The following CCDC146 variants were observed in gnomAD, a reference collection of about 807,000 sequenced individuals.
The protein encoded by CCDC146 is coiled-coil domain containing 146.
A neutral mutation model predicts 119.3 loss-of-function variants in CCDC146; 92 were observed. The observed-to-expected ratio is 0.77, with a 90% CI of 0.65 to 0.92. The LOEUF (loss-of-function observed/expected upper bound fraction) is 0.92, where lower values mean the gene tolerates loss of function less well. Among genes scored for constraint, CCDC146 ranks in the 40% least tolerant of loss-of-function variants. The pLI is 0.00. For missense variants in CCDC146, 1,000 were observed against 1,103.0 expected (o/e 0.91, Z 1.32); for synonymous variants, 372 against 371.8 (o/e 1.00, Z -0.01).
chr7:77,167,182 G>A lies in CCDC146; in HGVS notation c.-11-476G>A, dbSNP rs1333987490. On this transcript the variant is annotated intron_variant, in intron 1 of 18. Coordinates refer to ENST00000285871, the MANE Select transcript of CCDC146 (RefSeq NM_020879.3). The stretch of plus-strand genomic sequence containing the variant: ...GTTTCTGTTCTAAGAAGTCCAATAA[G>A]GTAGACAATATGAAAAATAGTAAAT... 9.2e-5 allele frequency among the ~76,000 whole-genome samples: 14 copies of A among 152,136 alleles called. No individual in the cohort carries two copies. In the East Asian group the frequency reaches 2.5e-3, roughly 27 times the overall value.
Position 77,280,642 on chromosome 7 carries a change from T to C in CCDC146, c.1908T>C (p.His636=). ...AAAGATACGAAAAAGCTGTTCAGCATCGAAATGAAAGGTAAAAACCAGGTG... is the reference window on the plus strand; with the variant it reads ...AAAGATACGAAAAAGCTGTTCAGCACCGAAATGAAAGGTAAAAACCAGGTG... The part of the protein sequence containing the change: ...LRKRYEKAVQ[H]RNESGVQLIE... Residue 636 remains histidine, a synonymous_variant, in exon 14 of 19, where the codon CAT becomes CAC. Coordinates refer to ENST00000285871, the MANE Select transcript of CCDC146 (RefSeq NM_020879.3). 1.2e-6 allele frequency: 2 copies of C among 1,610,478 alleles called. No homozygotes were observed. The highest frequency in any genetic ancestry group is 1.7e-6 in the Non-Finnish European group (2 of 1,178,280).
In CCDC146 at chr7:77,274,533, G is replaced by A; in HGVS notation, c.1321G>A (p.Glu441Lys). Residue 441 changes from glutamate to lysine, a missense_variant, in exon 11 of 19, where the codon GAA becomes AAA. By Grantham distance (56) the Glu-to-Lys change is moderately conservative. Coordinates refer to ENST00000285871, the MANE Select transcript of CCDC146 (RefSeq NM_020879.3). Reference protein sequence around the residue: ...SKLVEQQLAEENKLLKEQENM... With the variant: ...SKLVEQQLAEKNKLLKEQENM... ...GTTAGTAGAACAACAACTTGCAGAA[G>A]AAAACAAGCTTTTAAAGGAGCAAGA... The A allele has an allele frequency of 1.9e-6, 3 of 1,609,562 alleles. No homozygotes were observed. The highest frequency in any genetic ancestry group is 2.5e-6 in the Non-Finnish European group (3 of 1,177,782).
intron 5 of CCDC146, 35 bp downstream of exon 5, chr7:77,254,598 A>G: frequency 8.8e-7 from 1 of 1,141,708 alleles, no homozygotes; most frequent in Non-Finnish European, 1.3e-6. Context: ...TCTTAAATAC[A>G]GCTGGATTCA....
rs768640282 is a variant in CCDC146 at position 77,196,993 on chromosome 7, G to A, written c.156+29169G>A. ...TATATATTAGATGTTGAACTGAAGG[G>A]GAAATAAAAGGAAGGCATTGGATCT... On this transcript the variant is annotated intron_variant, in intron 2 of 18. Transcript: ENST00000285871. This position sits in a 1 kb window ranked among gnomAD's most constrained non-coding sequence, Gnocchi z 4.2. The A allele has an allele frequency of 1.3e-6, 2 of 1,502,428 alleles. No individual in the cohort carries two copies. The highest frequency in any genetic ancestry group is 1.7e-4 in the Middle Eastern group (1 of 5,792). 93.1% of individuals were successfully genotyped at this position (1,502,428 alleles called of 1,614,324 possible). A position where few individuals can be genotyped will look rare whatever the true frequency, so the allele number is the denominator to read the frequency against.
intron 2 of CCDC146, among the ~76,000 whole-genome samples, chr7:77,211,615 T>A (rs917577781): frequency 4.6e-5 from 7 of 151,884 alleles, no homozygotes; most frequent in African/African-American, 1.7e-4. Context: ...TTATTTTTAT[T>A]TATTTATTTA....
chr7:77,186,560 G>T (rs1205147442), intron 2 of CCDC146, among the ~76,000 whole-genome samples: 1 of 151,992 alleles, frequency 6.6e-6, no homozygotes, highest in African/African-American at 2.4e-5. Flanking sequence ...TAATGAACGA[G>T]ACCTACAATG....
intron 18 of CCDC146, among the ~76,000 whole-genome samples, chr7:77,294,143 G>T (rs2150561742): frequency 6.6e-6 from 1 of 152,206 alleles, no homozygotes; most frequent in Non-Finnish European, 1.5e-5. Flanking sequence ...TCCTCCTCTG[G>T]TTCCACTTTA....
At chr7:77,163,592 G>A (rs1263918085) in intron 1 of CCDC146, among the ~76,000 whole-genome samples, 1 of 152,150 alleles carries the variant, frequency 6.6e-6, no homozygotes, top group African/African-American at 2.4e-5. Context: ...TCTATGCAAA[G>A]GAGTGCTATG....
intron 2 of CCDC146, among the ~76,000 whole-genome samples, chr7:77,172,021 T>A (rs935767460): frequency 6.6e-6 from 1 of 152,230 alleles, no homozygotes; most frequent in Admixed American, 6.5e-5. Flanking sequence ...TCCAAGAGCT[T>A]TCAATAATCG....
At chr7:77,258,329 C>T (rs542102917) in intron 6 of CCDC146, among the ~76,000 whole-genome samples, 1 of 152,276 alleles carries the variant, frequency 6.6e-6, no homozygotes, top group East Asian at 1.9e-4. Flanking sequence ...CATTAGCAGT[C>T]ACCCCTGCAG....
At chr7:77,289,630 C>T (rs1029288370) in intron 17 of CCDC146, among the ~76,000 whole-genome samples, 5 of 152,274 alleles carry the variant, frequency 3.3e-5, no homozygotes, top group East Asian at 3.9e-4. Flanking sequence ...ATTACATAGT[C>T]GAACACGTAA....
intron 9 of CCDC146, among the ~76,000 whole-genome samples, chr7:77,272,037 G>A (rs1793534047): frequency 2.0e-5 from 3 of 152,160 alleles, no homozygotes; most frequent in Non-Finnish European, 4.4e-5. Flanking sequence ...ATCAGACAGG[G>A]ACCCAGGATG....
At chr7:77,282,112 G>A (rs1383735001) in intron 14 of CCDC146, among the ~76,000 whole-genome samples, 1 of 152,192 alleles carries the variant, frequency 6.6e-6, no homozygotes, top group East Asian at 1.9e-4. Context: ...AGAAACTAAT[G>A]GGCCTAGCAA....
chr7:77,227,540 C>T (rs1792538133), intron 2 of CCDC146, among the ~76,000 whole-genome samples: 1 of 152,152 alleles, frequency 6.6e-6, no homozygotes, highest in South Asian at 2.1e-4. Context: ...CTCCTGACCT[C>T]GTGATCCGCC....
intron 9 of CCDC146, among the ~76,000 whole-genome samples, chr7:77,265,152 G>A (rs539572712): frequency 6.6e-6 from 1 of 152,266 alleles, no homozygotes; most frequent in African/African-American, 2.4e-5. Context: ...CAGACCCTGT[G>A]GCCACCCCTC....
chr7:77,223,795 A>C (rs1293890965), intron 2 of CCDC146, among the ~76,000 whole-genome samples: 1 of 152,244 alleles, frequency 6.6e-6, no homozygotes, highest in Non-Finnish European at 1.5e-5. Context: ...TCAAAGATGA[A>C]TAGAGCAGGG....
chr7:77,212,396 C>T (rs1047596121), intron 2 of CCDC146, among the ~76,000 whole-genome samples: 5 of 151,752 alleles, frequency 3.3e-5, no homozygotes, highest in Admixed American at 1.3e-4. Context: ...CCGAGGTGGG[C>T]GGATCACGAG....
chr7:77,150,336 CAAGGAACTCTCACAACTTAATAATGGG>C (rs1791091809), intron 1 of CCDC146, among the ~76,000 whole-genome samples: 4 of 151,944 alleles, frequency 2.6e-5, no homozygotes, highest in Non-Finnish European at 5.9e-5. Context: ...CCAGCATATA[CAAGGAACTCTCACAACTTAATAATGGG>C]AAGGCAACCT....
chr7:77,160,417 C>A (rs1791243389), intron 1 of CCDC146, among the ~76,000 whole-genome samples: 4 of 152,074 alleles, frequency 2.6e-5, no homozygotes, highest in Non-Finnish European at 5.9e-5. Flanking sequence ...AATGTTCTTC[C>A]ATTTGTTTGT....
Sources: gnomAD v4.1 joint callset for allele counts (sites outside exome capture counted in the v4.1 genomes callset) on GRCh38, gnomAD v4.1.1 for gene constraint, Gnocchi (gnomAD v3.1) non-coding constraint, MANE v1.5 for transcripts, NCBI Gene and HGNC (gene_info 2026-07-23, HGNC 2026-07-21) for gene names.